PMEPA1: variants seen among roughly 807,000 people sequenced by gnomAD.
The protein encoded by PMEPA1 is prostate transmembrane protein, androgen induced 1, also known as protein TMEPAI.
A neutral mutation model predicts 23.0 loss-of-function variants in PMEPA1; 11 were observed. That is an observed-to-expected ratio of 0.48 (90% CI 0.30 to 0.79). The LOEUF (loss-of-function observed/expected upper bound fraction) is 0.79, where lower values mean the gene tolerates loss of function less well. Among genes scored for constraint, PMEPA1 ranks in the 30% least tolerant of loss-of-function variants. The pLI is 0.06. For missense variants in PMEPA1, 377 were observed against 390.9 expected, an observed-to-expected ratio of 0.96 and a Z score of 0.30; for synonymous variants, 204 against 166.4, an observed-to-expected ratio of 1.23 and a Z score of -1.74.
intron 1 of PMEPA1, among the ~76,000 whole-genome samples, chr20:57,671,410 A>T (rs2071566938): frequency 6.6e-6 from 1 of 152,184 alleles, no homozygotes; most frequent in African/African-American, 2.4e-5. Flanking sequence ...GTCTTCTTGG[A>T]GGATATTGAG....
At chr20:57,710,057 C>A, upstream of PMEPA1, 1 of 999,132 alleles carries the variant, frequency 1.0e-6, no homozygotes, top group African/African-American at 1.7e-5. Context: ...CGCGCGGGGG[C>A]CGGGGAGGGG....
upstream of PMEPA1, chr20:57,710,097 T>TC: frequency 2.2e-6 from 2 of 910,232 alleles, no homozygotes; most frequent in Non-Finnish European, 2.7e-6. Flanking sequence ...CCGCCGAGGT[T>TC]CCCCCGCACC....
At chr20:57,653,149 AACCC>A in intron 2 of PMEPA1, 63 bp from the exon 3 acceptor site, 1 of 1,375,968 alleles carries the variant, frequency 7.3e-7, no homozygotes, top group Non-Finnish European at 1.0e-6. Context: ...GCAAAGGCTC[AACCC>A]AGATTCGACT....
chr20:57,700,750 G>T (rs56213462), intron 1 of PMEPA1, among the ~76,000 whole-genome samples: 3 of 152,104 alleles, frequency 2.0e-5, no homozygotes, highest in Admixed American at 6.6e-5. Context: ...AAAAGGAGCC[G>T]GGCATGGTAG....
At position 57,652,532 on chromosome 20, in the gene PMEPA1, G is replaced by A. The variant is rs755289276; in HGVS notation, c.385C>T (p.Arg129Cys). ...LAVPPFAQRE[R>C]FHRFQPTYPY... ...TAGGTGGGCTGGAAGCGGTGGAAGCGCTCCCGCTGGGCGAAGGGCGGCACG... is the reference window on the plus strand; with the variant it reads ...TAGGTGGGCTGGAAGCGGTGGAAGCACTCCCGCTGGGCGAAGGGCGGCACG... Residue 129 changes from arginine (R) to cysteine (C), a missense_variant, in exon 4 of 4, where the codon CGC becomes TGC. Transcript: ENST00000341744. The surrounding 1 kb of genome is among the most constrained non-coding windows in gnomAD (Gnocchi z 6.1). The A allele has an allele frequency of 4.7e-5, 73 of 1,558,372 alleles. No individual in the cohort carries two copies. Among genetic ancestry groups the A allele is most frequent in the Non-Finnish European group, 5.6e-5 (65 of 1,150,848 alleles).
chr20:57,661,922 C>T (rs2071424304), intron 1 of PMEPA1, among the ~76,000 whole-genome samples: 1 of 127,040 alleles, frequency 7.9e-6, no homozygotes, highest in South Asian at 2.4e-4. Context: ...TGCATCTGTG[C>T]CACCCTCAGC....
chr20:57,707,344 T>C lies in PMEPA1; in HGVS notation c.109+2130A>G, dbSNP rs59579229. 4.8e-3 allele frequency among the ~76,000 whole-genome samples: 731 copies of C among 152,288 alleles called. 6 individuals are homozygous for C. Among genetic ancestry groups the C allele is most frequent in the African/African-American group, 0.017 (698 of 41,552 alleles). ...TCGGGGAAATCTGATGAAAACAAAC[T>C]GTTACAGTATACCTGCATTTTAAAG... On this transcript the variant is annotated intron_variant, in intron 1 of 3. Transcript: ENST00000341744.
chr20:57,696,872 T>C (rs1348477955), intron 1 of PMEPA1, among the ~76,000 whole-genome samples: 1 of 152,234 alleles, frequency 6.6e-6, no homozygotes, highest in Non-Finnish European at 1.5e-5. Flanking sequence ...TCTGTGCACA[T>C]TTCCGTTTAC....
At chr20:57,677,859 C>G (rs996058481) in intron 1 of PMEPA1, among the ~76,000 whole-genome samples, 1 of 152,162 alleles carries the variant, frequency 6.6e-6, no homozygotes, top group Admixed American at 6.5e-5. Flanking sequence ...TGGAACACTA[C>G]GCAGCAACAA....
At chr20:57,702,367 T>A (rs1055769995) in intron 1 of PMEPA1, among the ~76,000 whole-genome samples, 2 of 152,150 alleles carry the variant, frequency 1.3e-5, no homozygotes, top group African/African-American at 4.8e-5. Context: ...CACAGAGAGC[T>A]GGAGACAGAG....
intron 1 of PMEPA1, chr20:57,690,636 C>G: frequency 1.7e-6 from 2 of 1,155,608 alleles, no homozygotes; most frequent in South Asian, 1.5e-5. Flanking sequence ...AGGCGCGCAC[C>G]CCAGCCTGCG....
chr20:57,667,700 T>C (rs1431854849), intron 1 of PMEPA1, among the ~76,000 whole-genome samples: 1 of 152,226 alleles, frequency 6.6e-6, no homozygotes, highest in Non-Finnish European at 1.5e-5. Context: ...TATGAAAATC[T>C]AATCTTGTTA....
chr20:57,671,564 A>G (rs1217058337), intron 1 of PMEPA1, among the ~76,000 whole-genome samples: 2 of 152,174 alleles, frequency 1.3e-5, no homozygotes, highest in African/African-American at 2.4e-5. Flanking sequence ...ATACACACAC[A>G]TATATATCCC....
intron 1 of PMEPA1, among the ~76,000 whole-genome samples, chr20:57,694,722 T>C (rs987760963): frequency 1.3e-5 from 2 of 152,218 alleles, no homozygotes; most frequent in Non-Finnish European, 2.9e-5. Context: ...AAGACAAGTC[T>C]AGTAGCTCTT....
intron 1 of PMEPA1, among the ~76,000 whole-genome samples, chr20:57,684,680 A>G (rs1387827819): frequency 2.0e-5 from 3 of 152,214 alleles, no homozygotes. Context: ...TAATTAATGC[A>G]TCTATTTGGC....
At chr20:57,664,926 C>T (rs990292442) in intron 1 of PMEPA1, among the ~76,000 whole-genome samples, 2 of 152,220 alleles carry the variant, frequency 1.3e-5, no homozygotes, top group Non-Finnish European at 2.9e-5. Context: ...ACCAATCCTG[C>T]CTCAGTTTCC....
chr20:57,688,701 G>A (rs764263097), intron 1 of PMEPA1, among the ~76,000 whole-genome samples: 2 of 152,210 alleles, frequency 1.3e-5, no homozygotes, highest in Non-Finnish European at 2.9e-5. Flanking sequence ...CAGATGAGGC[G>A]ACCGAGGCTA....
At chr20:57,685,367 G>A (rs1004422369) in intron 1 of PMEPA1, among the ~76,000 whole-genome samples, 4 of 152,272 alleles carry the variant, frequency 2.6e-5, no homozygotes, top group South Asian at 2.1e-4. Context: ...TAAATAAGCC[G>A]GTAAATGAAT....
rs140230608 is a variant in PMEPA1, at chr20:57,659,598, C to G, written c.209G>C (p.Arg70Pro). The change falls in exon 2 of 4, where the codon CGG becomes CCG. Residue 70 changes from arginine to proline, a missense_variant. Coordinates refer to ENST00000341744, the MANE Select transcript of PMEPA1 (RefSeq NM_020182.5). ...CLLSHYKLSA[R>P]SFISRHSQGR... ...CTGGCTGTGCCGGCTGATGAAGGAC[C>G]GTGCAGACAGCTTGTAGTGGCTCAG... 5.0e-6 allele frequency: 8 copies of G among 1,613,628 alleles called. No homozygotes were observed. Among genetic ancestry groups the G allele is most frequent in the African/African-American group, 1.3e-5 (1 of 74,908 alleles).
Sources: gnomAD v4.1 joint callset for allele counts (sites outside exome capture counted in the v4.1 genomes callset) on GRCh38, gnomAD v4.1.1 for gene constraint, Gnocchi (gnomAD v3.1) non-coding constraint, MANE v1.5 for transcripts, NCBI Gene and HGNC (gene_info 2026-07-23, HGNC 2026-07-21) for gene names.